The following CHAF1A variants were observed in gnomAD, a reference collection of about 807,000 sequenced individuals.
CHAF1A encodes chromatin assembly factor 1 subunit A, also known as CAF-1 subunit A.
Under a neutral mutation model 93.2 loss-of-function variants are expected in CHAF1A, and 5 were observed. That is an observed-to-expected ratio of 0.05 (90% CI 0.03 to 0.11). The LOEUF is 0.11. CHAF1A is among the 10% of genes least tolerant of loss of function. The probability of loss-of-function intolerance (pLI) is 1.00; values close to 1 mark genes in which losing one functional copy is unlikely to be tolerated. For synonymous variants in CHAF1A, 504 were observed against 510.3 expected (o/e 0.99, Z 0.17); for missense variants, 1,102 against 1,259.9 (o/e 0.87, Z 1.90).
At chr19:4,432,921 T>TA (rs1974213024) in intron 12 of CHAF1A, 149 bp from the exon 13 acceptor site, 3 of 637,522 alleles carry the variant, frequency 4.7e-6, no homozygotes, top group South Asian at 1.9e-5. Context: ...TACCCTGTCT[T>TA]ACACCCGCCC....
In CHAF1A at chr19:4,409,407, C is replaced by G. The variant is rs764331314; in HGVS notation, c.608C>G (p.Ser203Trp). ...AGRRGDSQEC[S>W]PRSCPELTSG... ...AGGAGAGGCGACTCCCAGGAATGTT[C>G]GCCACGGAGCTGCCCGGAGCTGACG... is the stretch of plus-strand genomic sequence containing the variant. The change falls in exon 3 of 15, where the codon TCG (serine) becomes TGG (tryptophan). Residue 203 changes from serine (S) to tryptophan (W), a missense_variant. Ser to Trp is a radical substitution (Grantham distance 177, BLOSUM62 -3). This residue lies in a region of CHAF1A where 379 missense variants were observed against 365.7 expected (regional missense o/e 1.04). Transcript: ENST00000301280. The G allele has an allele frequency of 6.2e-7, 1 of 1,613,950 alleles. No individual in the cohort carries two copies. The highest frequency in any genetic ancestry group is 8.5e-7 in the Non-Finnish European group (1 of 1,180,022).
intron 11 of CHAF1A, 117 bp downstream of exon 11, chr19:4,430,758 C>A: frequency 9.3e-7 from 1 of 1,072,834 alleles, no homozygotes; most frequent in Non-Finnish European, 1.4e-6. Context: ...GAGATTTGGA[C>A]TGCATTCCAA....
rs138837195 is a variant in CHAF1A at position 4,433,897 on chromosome 19, G to A, written c.2673+358G>A. Among the ~76,000 whole-genome samples the A allele has an allele frequency of 1.6e-4, 25 of 152,166 alleles. No homozygotes were observed. In the South Asian group the frequency reaches 5.2e-3, roughly 32 times the overall value. ...TTACAGGCGTGAGCCACCTCGCCTG[G>A]TGTTTTTGTGTTTTTTAAATAACCT... On this transcript the variant is annotated intron_variant, in intron 13 of 14. Coordinates refer to ENST00000301280, the MANE Select transcript of CHAF1A (RefSeq NM_005483.3). This position sits in a 1 kb window ranked among gnomAD's most constrained non-coding sequence, Gnocchi z 5.6.
intron 4 of CHAF1A, among the ~76,000 whole-genome samples, chr19:4,420,187 G>A (rs975359707): frequency 2.6e-5 from 4 of 152,156 alleles, no homozygotes; most frequent in African/African-American, 9.7e-5. Flanking sequence ...CATATTGGAT[G>A]AGAGGTGGTC....
At position 4,408,890 on chromosome 19, in the gene CHAF1A, GT is replaced by G. The variant is rs757543664; in HGVS notation, c.104-12del. ...AAACGTTCACTAGAGATGGCTTTCT[GT>G]CTTTGTTTCAGCCCGTCTGCCGTTT... On this transcript the variant is annotated splice_polypyrimidine_tract_variant and intron_variant, in intron 2 of 14. Coordinates refer to ENST00000301280, the MANE Select transcript of CHAF1A (RefSeq NM_005483.3). The G allele has an allele frequency of 6.3e-7, 1 of 1,586,772 alleles. No individual in the cohort carries two copies. The highest frequency in any genetic ancestry group is 1.2e-5 in the South Asian group (1 of 86,308).
downstream of CHAF1A, chr19:4,446,049 C>G (rs1479070789): frequency 1.2e-6 from 2 of 1,609,384 alleles, no homozygotes. Context: ...CGACACTCAC[C>G]AGCCCGCACT....
At chr19:4,437,785 G>A (rs1974312590) in intron 13 of CHAF1A, among the ~76,000 whole-genome samples, 1 of 151,538 alleles carries the variant, frequency 6.6e-6, no homozygotes, top group Non-Finnish European at 1.5e-5. Flanking sequence ...TGTCGCCCAG[G>A]CTGGAGTGCA....
Position 4,409,773 on chromosome 19 carries a change from A to T in CHAF1A, c.960+14A>T, listed in dbSNP as rs1305814556. 7.5e-6 allele frequency: 12 copies of T among 1,593,780 alleles called. No homozygotes were observed. Among genetic ancestry groups the T allele is most frequent in the Non-Finnish European group, 1.0e-5 (12 of 1,166,788 alleles). The stretch of plus-strand genomic sequence containing the variant: ...CCCCTCCGCAGAGTGAGTATCTCCC[A>T]TGGAGTCCCTGCACATCAGTGCTCA... On this transcript the variant is annotated intron_variant, in intron 3 of 14. Transcript: ENST00000301280.
At chr19:4,419,586 C>A (rs561254732) in intron 4 of CHAF1A, among the ~76,000 whole-genome samples, 1 of 151,950 alleles carries the variant, frequency 6.6e-6, no homozygotes, top group African/African-American at 2.4e-5. Context: ...CGAGCCACCA[C>A]GCCTGGATAA....
intron 3 of CHAF1A, among the ~76,000 whole-genome samples, chr19:4,413,866 A>G (rs2145083872): frequency 6.6e-6 from 1 of 152,318 alleles, no homozygotes; most frequent in East Asian, 1.9e-4. Flanking sequence ...GGTCCTTTGA[A>G]TAGCTGAAGT....
chr19:4,422,483 G>A lies in CHAF1A; in HGVS notation c.1018-83G>A, dbSNP rs1427268561. 5.6e-6 allele frequency: 7 copies of A among 1,240,760 alleles called. No homozygotes were observed. Among genetic ancestry groups the A allele is most frequent in the East Asian group, 5.1e-5 (2 of 39,424 alleles). The allele number at this position is 1,240,760 out of a possible 1,614,324, so 76.9% of individuals were successfully genotyped here. A position where few individuals can be genotyped will look rare whatever the true frequency, so the allele number is the denominator to read the frequency against. ...CAATTCTGTTCATCCCGTCCAGGCC[G>A]TGCTGTCCTCCATGCTGTGAACCGA... On this transcript the variant is annotated intron_variant, in intron 4 of 14. Coordinates refer to ENST00000301280, the MANE Select transcript of CHAF1A (RefSeq NM_005483.3). The surrounding 1 kb of genome is among the most constrained non-coding windows in gnomAD (Gnocchi z 4.6).
intron 13 of CHAF1A, among the ~76,000 whole-genome samples, chr19:4,439,282 GAAAA>G (rs566076895): frequency 7.7e-6 from 1 of 129,214 alleles, no homozygotes; most frequent in African/African-American, 2.9e-5. Flanking sequence ...CTGCGTCTCA[GAAAA>G]AAAAAAAAAA....
Position 4,442,245 on chromosome 19 carries a change from A to T in CHAF1A, c.2674A>T (p.Ile892Phe), listed in dbSNP as rs745376194. 2.5e-6 allele frequency: 4 copies of T among 1,613,794 alleles called. No homozygotes were observed. Among genetic ancestry groups the T allele is most frequent in the Non-Finnish European group, 3.4e-6 (4 of 1,179,866 alleles). Residue 892 changes from isoleucine to phenylalanine, a missense_variant and splice_region_variant, in exon 14 of 15, where the codon ATT becomes TTT. This residue lies in a region of CHAF1A where 119 missense variants were observed against 102.2 expected (regional missense o/e 1.16). Transcript: ENST00000301280. ...FMKKRRHDGQ[I>F]GAEDMDGFQA... ...ATGGCCGTGTACCCTGTCTGTCCAG[A>T]TTGGTGCTGAAGACATGGACGGCTT...
intron 3 of CHAF1A, among the ~76,000 whole-genome samples, chr19:4,417,374 A>G (rs938718738): frequency 1.3e-5 from 2 of 152,116 alleles, no homozygotes; most frequent in Non-Finnish European, 2.9e-5. Flanking sequence ...TATTCCTGTA[A>G]GAACTCCATC....
intron 1 of CHAF1A, among the ~76,000 whole-genome samples, chr19:4,403,662 G>A (rs1346635652): frequency 6.6e-6 from 1 of 152,256 alleles, no homozygotes; most frequent in East Asian, 1.9e-4. Flanking sequence ...CAGGCCAGTA[G>A]CAGCCCCTCT....
At chr19:4,434,269 C>T (rs978362884) in intron 13 of CHAF1A, among the ~76,000 whole-genome samples, 1 of 152,110 alleles carries the variant, frequency 6.6e-6, no homozygotes, top group African/African-American at 2.4e-5. Context: ...TTACTGGAGC[C>T]TAGGAGATTG....
chr19:4,442,307 C>T lies in CHAF1A; in HGVS notation c.2736C>T (p.Gly912=), dbSNP rs745730810. Residue 912 remains glycine (G), a synonymous_variant, in exon 14 of 15, where the codon GGC becomes GGT. Coordinates refer to ENST00000301280, the MANE Select transcript of CHAF1A (RefSeq NM_005483.3). Reference sequence around the variant, plus strand: ...CGGAGGAGGAGGAAGAGGAGGAGGGCGACTGTATGATCGTGGATGTCCCGG... The same window carrying T: ...CGGAGGAGGAGGAAGAGGAGGAGGGTGACTGTATGATCGTGGATGTCCCGG... ...ADTEEEEEEE[G]DCMIVDVPDA... is the part of the protein sequence containing the mutation. 9 of 1,610,116 alleles carry T rather than the reference C, an allele frequency of 5.6e-6. No individual in the cohort carries two copies. The African/African-American group carries it at 8.0e-5, about 14-fold the overall frequency.
chr19:4,446,695 A>G, downstream of CHAF1A: 2 of 1,610,728 alleles, frequency 1.2e-6, no homozygotes, highest in Non-Finnish European at 1.7e-6. Flanking sequence ...GGTCTCGCTC[A>G]GCACGTAGAA....
rs555180248 is a variant in CHAF1A, at chr19:4,433,335, G to T, written c.2469G>T (p.Gln823His). Reference sequence around the variant, plus strand: ...GGATGTGCTGGTACGTGCACCCGCAGGTGCTACAGAGCTTCCAGCAGGAGC... The same window carrying T: ...GGATGTGCTGGTACGTGCACCCGCATGTGCTACAGAGCTTCCAGCAGGAGC... The part of the protein sequence containing the change: ...DFRMCWYVHP[Q>H]VLQSFQQEHL... The change falls in exon 13 of 15, where the codon CAG becomes CAT. Residue 823 changes from glutamine (Q) to histidine (H), a missense_variant. By Grantham distance (24) the Gln-to-His change is conservative (BLOSUM62 0). This residue lies in a region of CHAF1A where 76 missense variants were observed against 129.8 expected (regional missense o/e 0.59). Coordinates refer to ENST00000301280, the MANE Select transcript of CHAF1A (RefSeq NM_005483.3). This position sits in a 1 kb window ranked among gnomAD's most constrained non-coding sequence, Gnocchi z 5.6. The T allele has an allele frequency of 6.2e-7, 1 of 1,613,802 alleles. No homozygotes were observed. The highest frequency in any genetic ancestry group is 1.1e-5 in the South Asian group (1 of 91,088).
Sources: allele counts gnomAD v4.1 joint callset (sites outside exome capture counted in the v4.1 genomes callset), GRCh38; gene constraint gnomAD v4.1.1; regional missense constraint gnomAD v4.1.1; non-coding constraint Gnocchi (gnomAD v3.1); transcripts MANE v1.5; gene names NCBI Gene and HGNC (gene_info 2026-07-23, HGNC 2026-07-21).